The following MIB1 variants were observed in gnomAD, a reference collection of about 807,000 sequenced individuals.
MIB1 encodes the protein E3 ubiquitin-protein ligase MIB1.
In MIB1, 278 loss-of-function variants were observed where a neutral mutation model predicts 124.5. The observed-to-expected ratio is 2.23, with a 90% CI of 2.02 to 2.47. The LOEUF is 2.47. MIB1 is among the 30% of genes most tolerant of loss of function. The pLI is 0.00. For synonymous variants in MIB1, 446 were observed against 429.4 expected (o/e 1.04, Z -0.48); for missense variants, 957 against 1,254.4 (o/e 0.76, Z 3.58).
chr18:21,781,416 A>AT (rs2041366313), intron 6 of MIB1, among the ~76,000 whole-genome samples: 1 of 82,616 alleles, frequency 1.2e-5, no homozygotes, highest in Non-Finnish European at 2.4e-5. Context: ...TATATATATA[A>AT]AATTATTATT....
intron 18 of MIB1, 97 bp from the exon 19 acceptor site, chr18:21,857,033 T>C: frequency 1.3e-6 from 1 of 776,092 alleles, no homozygotes; most frequent in Non-Finnish European, 2.3e-6. Flanking sequence ...TAACATTTAT[T>C]TCAGTGTGAA....
At chr18:21,853,618 A>G (rs1473989281) in intron 18 of MIB1, among the ~76,000 whole-genome samples, 2 of 152,204 alleles carry the variant, frequency 1.3e-5, no homozygotes, top group African/African-American at 4.8e-5. Flanking sequence ...CTCACTGCAG[A>G]AGAACCAACA....
chr18:21,813,162 A>G (rs1233235705), intron 10 of MIB1, among the ~76,000 whole-genome samples: 1 of 150,806 alleles, frequency 6.6e-6, no homozygotes, highest in African/African-American at 2.4e-5. Flanking sequence ...ATACAGTGTT[A>G]GTGGCCTGAT....
intron 10 of MIB1, among the ~76,000 whole-genome samples, chr18:21,815,011 T>TTATATATA (rs60363843): frequency 0.013 from 693 of 52,480 alleles, 4 homozygotes; most frequent in African/African-American, 0.019. Context: ...GCTGTTGGTT[T>TTATATATA]TATATATATA....
rs377357766 is a variant in MIB1, at chr18:21,834,318, G to A, written c.1830-4047G>A. ...GCCCTGTATTATTATTTTTTTTTGAGGGGGTTGGCAATTTTTGATTAAGAT... is the reference window on the plus strand; with the variant it reads ...GCCCTGTATTATTATTTTTTTTTGAAGGGGTTGGCAATTTTTGATTAAGAT... On this transcript the variant is annotated intron_variant, in intron 12 of 20. Transcript: ENST00000261537. Among the ~76,000 whole-genome samples, 80 of 151,980 alleles carry A rather than the reference G, an allele frequency of 5.3e-4. No homozygotes were observed. The Middle Eastern group carries it at 0.014, about 26-fold the overall frequency.
chr18:21,812,969 A>G (rs1278162185), intron 10 of MIB1, among the ~76,000 whole-genome samples: 2 of 152,192 alleles, frequency 1.3e-5, no homozygotes, highest in Non-Finnish European at 2.9e-5. Flanking sequence ...AGAAACCTGG[A>G]AGTAAATTTA....
At chr18:21,807,450 AAGACTAAAGCAAAAGTTCAT>A (rs2041721429) in intron 10 of MIB1, among the ~76,000 whole-genome samples, 1 of 152,214 alleles carries the variant, frequency 6.6e-6, no homozygotes, top group Non-Finnish European at 1.5e-5. Context: ...ACTACAGCCC[AAGACTAAAGCAAAAGTTCAT>A]CAAAGTTTAA....
rs2041791951 is a variant in MIB1 at position 21,813,064 on chromosome 18, A to G, written c.1480-2552A>G. ...TCTTATTTATTTCCTTTTGACAAACATATCAGTTTTTAATTCTTTGGTGTT... is the reference window on the plus strand; with the variant it reads ...TCTTATTTATTTCCTTTTGACAAACGTATCAGTTTTTAATTCTTTGGTGTT... On this transcript the variant is annotated intron_variant, in intron 10 of 20. Transcript: ENST00000261537. 5.3e-5 allele frequency among the ~76,000 whole-genome samples: 8 copies of G among 152,256 alleles called. No individual in the cohort carries two copies. The South Asian group carries it at 1.4e-3, about 28-fold the overall frequency.
intron 1 of MIB1, among the ~76,000 whole-genome samples, chr18:21,715,143 C>T (rs2040683849): frequency 6.6e-6 from 1 of 152,200 alleles, no homozygotes; most frequent in African/African-American, 2.4e-5. Flanking sequence ...AAATACTGTG[C>T]TGGTATCCAC....
chr18:21,847,130 G>A lies in MIB1; in HGVS notation c.2393+5G>A. 6.2e-6 allele frequency: 10 copies of A among 1,611,754 alleles called. No homozygotes were observed. The South Asian group carries it at 9.9e-5, about 16-fold the overall frequency. Reference sequence around the variant, plus strand: ...GTGTCATAAGGAAAAAGTCAGGTTTGTATTATTTATTATCATAAAACTTAA... The same window carrying A: ...GTGTCATAAGGAAAAAGTCAGGTTTATATTATTTATTATCATAAAACTTAA... On this transcript the variant is annotated splice_donor_5th_base_variant and intron_variant, in intron 16 of 20. Coordinates refer to ENST00000261537, the MANE Select transcript of MIB1 (RefSeq NM_020774.4).
In MIB1 at chr18:21,850,792, C is replaced by T. The variant is rs943492712; in HGVS notation, c.2586+1404C>T. Among the ~76,000 whole-genome samples the T allele has an allele frequency of 9.9e-5, 15 of 152,234 alleles. No homozygotes were observed. In the East Asian group the frequency reaches 1.5e-3, roughly 16 times the overall value. Reference sequence around the variant, plus strand: ...ATCATTCTACTTAGCATTTATAATTCGCTTTAGCTACCTGTTTACGAAGTA... The same window carrying T: ...ATCATTCTACTTAGCATTTATAATTTGCTTTAGCTACCTGTTTACGAAGTA... On this transcript the variant is annotated intron_variant, in intron 17 of 20. Coordinates refer to ENST00000261537, the MANE Select transcript of MIB1 (RefSeq NM_020774.4).
chr18:21,798,283 G>T (rs1178209809), intron 8 of MIB1, 55 bp downstream of exon 8: 11 of 1,553,896 alleles, frequency 7.1e-6, no homozygotes, highest in South Asian at 3.4e-5. Context: ...TAAAACCTTT[G>T]CTAATTCCCC....
At chr18:21,725,000 C>G (rs1331839502) in intron 1 of MIB1, among the ~76,000 whole-genome samples, 3 of 142,690 alleles carry the variant, frequency 2.1e-5, no homozygotes, top group Admixed American at 7.4e-5. Context: ...GAGGCTGAGG[C>G]AGGAGAATGG....
rs578046040 is a variant in MIB1 at position 21,807,649 on chromosome 18, T to C, written c.1479+3635T>C. 2.0e-5 allele frequency among the ~76,000 whole-genome samples: 3 copies of C among 152,276 alleles called. No individual in the cohort carries two copies. The East Asian group carries it at 5.8e-4, about 29-fold the overall frequency. On this transcript the variant is annotated intron_variant, in intron 10 of 20. Transcript: ENST00000261537. ...GGGTGGAGGAGGTACAGCTGACATC[T>C]AGAGGATAGAAGCTAAGGATGCTAC...
Position 21,768,757 on chromosome 18 carries a change from A to G in MIB1, c.531+5A>G. 6.2e-7 allele frequency: 1 copy of G among 1,607,104 alleles called. No homozygotes were observed. Among genetic ancestry groups the G allele is most frequent in the Non-Finnish European group, 8.5e-7 (1 of 1,176,548 alleles). On this transcript the variant is annotated splice_donor_5th_base_variant and intron_variant, in intron 3 of 20. Transcript: ENST00000261537. ...GGAAATGGACGTAGGGGAAAGGTAC[A>G]GTGTTTCTCTGAATTCATTATGTAT...
Position 21,849,395 on chromosome 18 carries a change from T to A in MIB1, c.2586+7T>A. On this transcript the variant is annotated splice_region_variant and intron_variant, in intron 17 of 20. Coordinates refer to ENST00000261537, the MANE Select transcript of MIB1 (RefSeq NM_020774.4). ...GGTTCAATCCAGGACAAAGGTAAGA[T>A]ATATTTAATATAGTATTTTGTCATT... is the stretch of plus-strand genomic sequence containing the variant. The A allele has an allele frequency of 6.6e-7, 1 of 1,504,548 alleles. No homozygotes were observed. Among genetic ancestry groups the A allele is most frequent in the Non-Finnish European group, 9.0e-7 (1 of 1,111,578 alleles). The allele number at this position is 1,504,548 out of a possible 1,614,324, so 93.2% of individuals were successfully genotyped here. A position where few individuals can be genotyped will look rare whatever the true frequency, so the allele number is the denominator to read the frequency against.
intron 1 of MIB1, chr18:21,712,097 G>A: frequency 5.5e-6 from 1 of 181,702 alleles, no homozygotes; most frequent in Non-Finnish European, 1.2e-5. Context: ...TGCGATTTTA[G>A]CACAGTGCTT....
chr18:21,776,778 GT>G (rs2146421937), intron 4 of MIB1, among the ~76,000 whole-genome samples: 1 of 152,276 alleles, frequency 6.6e-6, no homozygotes, highest in East Asian at 1.9e-4. Flanking sequence ...GAGGTCAGGC[GT>G]TCGAGACCAG....
In MIB1 at chr18:21,843,192, A is replaced by C; in HGVS notation, c.2024A>C (p.Glu675Ala). 6.3e-7 allele frequency: 1 copy of C among 1,599,022 alleles called. No homozygotes were observed. The highest frequency in any genetic ancestry group is 8.5e-7 in the Non-Finnish European group (1 of 1,174,110). Reference protein sequence around the residue: ...NQQTALHLAVERQHTQIVRLL... With the variant: ...NQQTALHLAVARQHTQIVRLL... ...CAAACTGCCCTACACCTTGCTGTTG[A>C]ACGACAGCATACCCAGATTGTTAGG... is the stretch of plus-strand genomic sequence containing the variant. The change falls in exon 14 of 21, where the codon GAA becomes GCA. Residue 675 changes from glutamate (E) to alanine (A), a missense_variant. Coordinates refer to ENST00000261537, the MANE Select transcript of MIB1 (RefSeq NM_020774.4).
Sources: gnomAD v4.1 joint callset for allele counts (sites outside exome capture counted in the v4.1 genomes callset) on GRCh38, gnomAD v4.1.1 for gene constraint, MANE v1.5 for transcripts, NCBI Gene and HGNC (gene_info 2026-07-23, HGNC 2026-07-21) for gene names.